The following ETV6 variants were observed in gnomAD, a reference collection of about 807,000 sequenced individuals.
The protein encoded by ETV6 is ETS variant transcription factor 6, also known as transcription factor ETV6.
A neutral mutation model predicts 51.1 loss-of-function variants in ETV6; 16 were observed. That is an observed-to-expected ratio of 0.31 (90% CI 0.21 to 0.48). ETV6 has a LOEUF of 0.48. ETV6 is among the 20% of genes least tolerant of loss of function. The probability of loss-of-function intolerance (pLI) is 0.99; values close to 1 mark genes in which losing one functional copy is unlikely to be tolerated. For synonymous variants in ETV6, 240 were observed against 224.1 expected (o/e 1.07, Z -0.64); for missense variants, 458 against 594.8 (o/e 0.77, Z 2.39).
At chr12:11,804,403 C>G (rs780515567) in intron 2 of ETV6, among the ~76,000 whole-genome samples, 1 of 152,206 alleles carries the variant, frequency 6.6e-6, no homozygotes, top group Non-Finnish European at 1.5e-5. Flanking sequence ...TTGTAAATCT[C>G]GTCAACCTCT....
chr12:11,713,251 A>G (rs1222991097), intron 1 of ETV6, among the ~76,000 whole-genome samples: 2 of 152,232 alleles, frequency 1.3e-5, no homozygotes, highest in East Asian at 3.8e-4. Context: ...TATCTGATAC[A>G]GTTCTTCTGC....
intron 1 of ETV6, among the ~76,000 whole-genome samples, chr12:11,672,099 G>T (rs544310984): frequency 2.6e-5 from 4 of 152,050 alleles, no homozygotes; most frequent in African/African-American, 9.7e-5. Flanking sequence ...CACTCCAGTG[G>T]GGTGTTTCCA....
At chr12:11,705,002 A>G (rs999990607) in intron 1 of ETV6, among the ~76,000 whole-genome samples, 5 of 152,226 alleles carry the variant, frequency 3.3e-5, no homozygotes, top group African/African-American at 1.2e-4. Flanking sequence ...AAAAGCTCAA[A>G]TACAGAGACA....
intron 1 of ETV6, among the ~76,000 whole-genome samples, chr12:11,659,522 C>T (rs1205390800): frequency 1.3e-5 from 2 of 152,188 alleles, no homozygotes; most frequent in Non-Finnish European, 2.9e-5. Context: ...CCTGTCCCCT[C>T]TCCCTTGGGT....
intron 2 of ETV6, among the ~76,000 whole-genome samples, chr12:11,780,867 T>C (rs1408224259): frequency 3.3e-5 from 5 of 152,232 alleles, no homozygotes; most frequent in Admixed American, 3.3e-4. Context: ...GTGTGTTTCA[T>C]CTTGTTCTTA....
intron 1 of ETV6, among the ~76,000 whole-genome samples, chr12:11,735,678 A>G (rs1313075608): frequency 6.6e-6 from 1 of 152,082 alleles, no homozygotes; most frequent in Non-Finnish European, 1.5e-5. Flanking sequence ...TCGGCTCGCC[A>G]CAACCTCCGC....
At chr12:11,657,972 C>T (rs1864031881) in intron 1 of ETV6, among the ~76,000 whole-genome samples, 1 of 152,176 alleles carries the variant, frequency 6.6e-6, no homozygotes, top group Non-Finnish European at 1.5e-5. Flanking sequence ...TAGACAGACC[C>T]ATGAATCCTG....
intron 2 of ETV6, among the ~76,000 whole-genome samples, chr12:11,836,832 T>C (rs1288519418): frequency 1.3e-5 from 2 of 152,212 alleles, no homozygotes; most frequent in Admixed American, 6.5e-5. Flanking sequence ...CCTGTACTTT[T>C]TCCTGTTTCT....
chr12:11,736,430 G>A (rs117161906), intron 1 of ETV6, among the ~76,000 whole-genome samples: 284 of 152,318 alleles, frequency 1.9e-3, no homozygotes, highest in Non-Finnish European at 3.4e-3. Context: ...GTGACATTTG[G>A]TGTCAAGTCT....
At chr12:11,826,872 T>C (rs1946161154) in intron 2 of ETV6, among the ~76,000 whole-genome samples, 1 of 152,122 alleles carries the variant, frequency 6.6e-6, no homozygotes, top group Non-Finnish European at 1.5e-5. Flanking sequence ...TGTTTAGCTT[T>C]CCTGACTCCA....
At chr12:11,659,787 T>C (rs1159095048) in intron 1 of ETV6, among the ~76,000 whole-genome samples, 1 of 152,018 alleles carries the variant, frequency 6.6e-6, no homozygotes, top group Non-Finnish European at 1.5e-5. Flanking sequence ...CTGGTGAAAG[T>C]GTGAATCTGG....
intron 2 of ETV6, among the ~76,000 whole-genome samples, chr12:11,784,727 G>A (rs955188650): frequency 1.3e-5 from 2 of 152,086 alleles, no homozygotes; most frequent in Non-Finnish European, 2.9e-5. Flanking sequence ...CATTTTCTGA[G>A]ACAGGCTCTT....
Position 11,869,283 on chromosome 12 carries a change from G to T in ETV6, c.464-141G>T. 1.4e-6 allele frequency: 1 copy of T among 713,214 alleles called. No individual in the cohort carries two copies. Among genetic ancestry groups the T allele is most frequent in the Non-Finnish European group, 2.3e-6 (1 of 432,152 alleles). The allele number at this position is 713,214 out of a possible 1,614,324, so 44.2% of individuals were successfully genotyped here. A position where few individuals can be genotyped will look rare whatever the true frequency, so the allele number is the denominator to read the frequency against. ...TGCACCCTTCAAATTGTTAAGCAGT[G>T]AAAAAGACACTGCATTCTGGGGAGA... is the stretch of plus-strand genomic sequence containing the variant. On this transcript the variant is annotated intron_variant, in intron 4 of 7. Coordinates refer to ENST00000396373, the MANE Select transcript of ETV6 (RefSeq NM_001987.5). The surrounding 1 kb of genome is among the most constrained non-coding windows in gnomAD (Gnocchi z 5.0).
intron 5 of ETV6, among the ~76,000 whole-genome samples, chr12:11,872,824 C>T (rs1179655501): frequency 6.6e-6 from 1 of 152,082 alleles, no homozygotes; most frequent in Non-Finnish European, 1.5e-5. Context: ...ATCTCATTCC[C>T]CAATATCAGT....
chr12:11,873,094 T>C (rs937815785), intron 5 of ETV6, among the ~76,000 whole-genome samples: 1 of 152,240 alleles, frequency 6.6e-6, no homozygotes, highest in Non-Finnish European at 1.5e-5. Flanking sequence ...TATAATGGCA[T>C]ATTCAAAAGT....
chr12:11,740,984 C>T (rs537145278), intron 1 of ETV6, among the ~76,000 whole-genome samples: 4 of 152,214 alleles, frequency 2.6e-5, no homozygotes, highest in Admixed American at 1.3e-4. Context: ...TGACATGACT[C>T]GTGGGTGTAT....
intron 1 of ETV6, among the ~76,000 whole-genome samples, chr12:11,717,930 A>G (rs1865308666): frequency 6.6e-6 from 1 of 152,176 alleles, no homozygotes; most frequent in Non-Finnish European, 1.5e-5. Flanking sequence ...ACAGCCTGGA[A>G]GTGGAGTTCT....
At position 11,823,840 on chromosome 12, in the gene ETV6, G is replaced by T. The variant is rs914083109; in HGVS notation, c.164-15300G>T. The stretch of plus-strand genomic sequence containing the variant: ...TTCTTTCGGTGGGAGAAGCCATTCA[G>T]CCCCCCTTGACTGCCAGTGCCCTTT... On this transcript the variant is annotated intron_variant, in intron 2 of 7. Transcript: ENST00000396373. Among the ~76,000 whole-genome samples the T allele has an allele frequency of 3.9e-5, 6 of 152,050 alleles. 1 individual carries two copies. Among genetic ancestry groups the T allele is most frequent in the Admixed American group, 3.3e-4 (5 of 15,270 alleles).
At chr12:11,730,163 T>TA (rs1865566993) in intron 1 of ETV6, among the ~76,000 whole-genome samples, 1 of 152,214 alleles carries the variant, frequency 6.6e-6, no homozygotes, top group African/African-American at 2.4e-5. Flanking sequence ...ATTTGACAAC[T>TA]CTTCCTCTAC....
Sources: allele counts gnomAD v4.1 joint callset (sites outside exome capture counted in the v4.1 genomes callset), GRCh38; gene constraint gnomAD v4.1.1; non-coding constraint Gnocchi (gnomAD v3.1); transcripts MANE v1.5; gene names NCBI Gene and HGNC (gene_info 2026-07-23, HGNC 2026-07-21).